The following TRIM3 variants were observed in gnomAD, a reference collection of about 807,000 sequenced individuals.
TRIM3 encodes the protein tripartite motif-containing protein 3.
A neutral mutation model predicts 66.6 loss-of-function variants in TRIM3; 13 were observed. The observed-to-expected ratio is 0.20, with a 90% CI of 0.13 to 0.31. The LOEUF (loss-of-function observed/expected upper bound fraction) is 0.31, where lower values mean the gene tolerates loss of function less well. TRIM3 is among the 10% of genes least tolerant of loss of function. The pLI is 1.00. For missense variants in TRIM3, 711 were observed against 1,020.4 expected (o/e 0.70, Z 4.13); for synonymous variants, 406 against 411.7 (o/e 0.99, Z 0.17).
At position 6,450,849 on chromosome 11, in the gene TRIM3, G is replaced by T; in HGVS notation, c.1870+43C>A. On this transcript the variant is annotated intron_variant, in intron 9 of 11. Transcript: ENST00000345851. This position sits in a 1 kb window ranked among gnomAD's most constrained non-coding sequence, Gnocchi z 4.8. ...CTGGGGTATCTAGGGGAGTTCTCTG[G>T]AACAGGGGTATCAGCATAGATCTTG... 1 of 1,609,056 alleles carries T rather than the reference G, an allele frequency of 6.2e-7. No homozygotes were observed. The highest frequency in any genetic ancestry group is 1.1e-5 in the South Asian group (1 of 90,674).
At position 6,458,441 on chromosome 11, in the gene TRIM3, T is replaced by C; in HGVS notation, c.132-145A>G. 1 of 677,192 alleles carries C rather than the reference T, an allele frequency of 1.5e-6. No individual in the cohort carries two copies. Among genetic ancestry groups the C allele is most frequent in the South Asian group, 1.9e-5 (1 of 52,040 alleles). 41.9% of individuals were successfully genotyped at this position (677,192 alleles called of 1,614,324 possible). A position where few individuals can be genotyped will look rare whatever the true frequency, so the allele number is the denominator to read the frequency against. ...AAACCTCTCTGCTTGACACATCTCATCTGCCAGCAGGTATAATGGCCTTGC... is the reference window on the plus strand; with the variant it reads ...AAACCTCTCTGCTTGACACATCTCACCTGCCAGCAGGTATAATGGCCTTGC... On this transcript the variant is annotated intron_variant, in intron 2 of 11. Coordinates refer to ENST00000345851, the MANE Select transcript of TRIM3 (RefSeq NM_033278.4). The surrounding 1 kb of genome is among the most constrained non-coding windows in gnomAD (Gnocchi z 6.2).
rs1195723577 is a variant in TRIM3 at position 6,471,422 on chromosome 11, G to C, written c.-38+2369C>G. ...CAAATGAAGCCTTGGATGAGGCAAA[G>C]TCCTTAAAGCCAATGAATCCTTTAA... On this transcript the variant is annotated intron_variant, in intron 1 of 11. Transcript: ENST00000345851. Among the ~76,000 whole-genome samples, 3 of 152,220 alleles carry C rather than the reference G, an allele frequency of 2.0e-5. No individual in the cohort carries two copies. The East Asian group carries it at 5.8e-4, about 29-fold the overall frequency.
intron 2 of TRIM3, among the ~76,000 whole-genome samples, chr11:6,459,481 C>T (rs1850129860): frequency 6.6e-6 from 1 of 152,192 alleles, no homozygotes; most frequent in Non-Finnish European, 1.5e-5. Context: ...TTATTAAGTG[C>T]ATATGTGCCA....
rs1850096587 is a variant in TRIM3, at chr11:6,458,669, G to A, written c.132-373C>T. Reference sequence around the variant, plus strand: ...CTTGCCAAATTTATGCCAAGCCCTGGGGACAAAAAGATAAAGCACAGTGCC... The same window carrying A: ...CTTGCCAAATTTATGCCAAGCCCTGAGGACAAAAAGATAAAGCACAGTGCC... On this transcript the variant is annotated intron_variant, in intron 2 of 11. Transcript: ENST00000345851. This position sits in a 1 kb window ranked among gnomAD's most constrained non-coding sequence, Gnocchi z 6.2. 6.6e-6 allele frequency among the ~76,000 whole-genome samples: 1 copy of A among 152,074 alleles called. No individual in the cohort carries two copies. The highest frequency in any genetic ancestry group is 2.4e-5 in the African/African-American group (1 of 41,380).
chr11:6,454,910 G>A lies in TRIM3; in HGVS notation c.1533+1162C>T, dbSNP rs561274586. 3.3e-5 allele frequency among the ~76,000 whole-genome samples: 5 copies of A among 152,244 alleles called. No individual in the cohort carries two copies. The South Asian group carries it at 6.2e-4, about 19-fold the overall frequency. On this transcript the variant is annotated intron_variant, in intron 7 of 11. Coordinates refer to ENST00000345851, the MANE Select transcript of TRIM3 (RefSeq NM_033278.4). The stretch of plus-strand genomic sequence containing the variant: ...GTGTTTAGAAGTAAGGATCTTCAGC[G>A]AAAAGTTTTGCTACCCAGTAAAATG...
chr11:6,449,209 AG>A lies in TRIM3; in HGVS notation c.2083-30del. ...GGGAAGGAGTGCAGAAAGGAGGGAG[AG>A]GCAAGATCAGGCAGATGAGAGTCTG... is the stretch of plus-strand genomic sequence containing the variant. On this transcript the variant is annotated intron_variant, in intron 11 of 11. Transcript: ENST00000345851. This position sits in a 1 kb window ranked among gnomAD's most constrained non-coding sequence, Gnocchi z 5.3. The A allele has an allele frequency of 6.2e-6, 10 of 1,611,436 alleles. No individual in the cohort carries two copies. Among genetic ancestry groups the A allele is most frequent in the Non-Finnish European group, 8.5e-6 (10 of 1,177,672 alleles).
Position 6,457,395 on chromosome 11 carries a change from G to A in TRIM3, c.597C>T (p.Ala199=). Residue 199 remains alanine, a synonymous_variant, in exon 5 of 12, where the codon GCC becomes GCT. Coordinates refer to ENST00000345851, the MANE Select transcript of TRIM3 (RefSeq NM_033278.4). The surrounding 1 kb of genome is among the most constrained non-coding windows in gnomAD (Gnocchi z 4.5). ...GGTCCTCGAACGCTGCACTGATCTG[G>A]GCCAGGGCCTCTGCCTTGCGCTCCT... The part of the protein sequence containing the change: ...QLQERKAEAL[A]QISAAFEDLE... The A allele has an allele frequency of 6.2e-7, 1 of 1,613,778 alleles. No individual in the cohort carries two copies. The highest frequency in any genetic ancestry group is 1.3e-5 in the African/African-American group (1 of 75,058).
chr11:6,464,720 C>CTCACGCCTGTAATCCCAGCACT, intron 2 of TRIM3, among the ~76,000 whole-genome samples: 1 of 152,268 alleles, frequency 6.6e-6, no homozygotes, highest in East Asian at 1.9e-4. Context: ...AGCACGGTAG[C>CTCACGCCTGTAATCCCAGCACT]TCACGCCTGT....
At chr11:6,460,830 T>C (rs964489677) in intron 2 of TRIM3, among the ~76,000 whole-genome samples, 5 of 152,072 alleles carry the variant, frequency 3.3e-5, no homozygotes, top group Non-Finnish European at 2.9e-5. Flanking sequence ...GTGCCAGGCA[T>C]GATTCTAAGT....
intron 1 of TRIM3, among the ~76,000 whole-genome samples, chr11:6,470,969 A>C (rs1850667106): frequency 6.6e-6 from 1 of 152,178 alleles, no homozygotes; most frequent in Non-Finnish European, 1.5e-5. Context: ...TAAGCCCCAA[A>C]GAGGCTTTCA....
Position 6,456,582 on chromosome 11 carries a change from T to G in TRIM3, c.1144A>C (p.Lys382Gln). The G allele has an allele frequency of 6.2e-7, 1 of 1,612,944 alleles. No individual in the cohort carries two copies. The highest frequency in any genetic ancestry group is 8.5e-7 in the Non-Finnish European group (1 of 1,179,836). The change falls in exon 6 of 12, where the codon AAG (lysine) becomes CAG (glutamine). Residue 382 changes from lysine (K) to glutamine (Q), a missense_variant. By Grantham distance (53) the Lys-to-Gln change is moderately conservative. Around this residue, in one of 3 missense-constraint regions of TRIM3, gnomAD observed 399 missense variants for 458.1 expected, o/e 0.87. Transcript: ENST00000345851. The surrounding 1 kb of genome is among the most constrained non-coding windows in gnomAD (Gnocchi z 6.4). ...TRLPVPVVDH[K>Q]NGTYELVYTA... ...TACACTAGCTCATATGTGCCATTCT[T>G]GTGGTCCACCACTGGCACCGGAAGG...
At position 6,451,003 on chromosome 11, in the gene TRIM3, C is replaced by T; in HGVS notation, c.1759G>A (p.Gly587Arg). ...TTGTTGTCGACCACAATGATATGTCCATTCCGGTCTACGGCCACTCCCTTG... is the reference window on the plus strand; with the variant it reads ...TTGTTGTCGACCACAATGATATGTCTATTCCGGTCTACGGCCACTCCCTTG... ...GPKGVAVDRN[G>R]HIIVVDNKSC... The change falls in exon 9 of 12, where the codon GGA (glycine) becomes AGA (arginine). Residue 587 changes from glycine to arginine, a missense_variant. Transcript: ENST00000345851. 6.2e-7 allele frequency: 1 copy of T among 1,614,202 alleles called. No individual in the cohort carries two copies. The highest frequency in any genetic ancestry group is 8.5e-7 in the Non-Finnish European group (1 of 1,180,032).
intron 7 of TRIM3, 161 bp from the exon 8 acceptor site, chr11:6,451,599 G>C: frequency 1.4e-6 from 1 of 702,854 alleles, no homozygotes; most frequent in South Asian, 1.9e-5. Flanking sequence ...GCAGGTCTGG[G>C]GCAATGCAAC....
At position 6,449,312 on chromosome 11, in the gene TRIM3, G is replaced by A. The variant is rs751451090; in HGVS notation, c.2076C>T (p.Arg692=). ...ATTCCCAGGCCTTACTCACCTGGAT[G>A]CGGCTGTTGCCCCAGTCAGCCACAA... ...NIIVADWGNS[R]IQVFDSSGSF... The change falls in exon 11 of 12, where the codon CGC becomes CGT. Residue 692 remains arginine, a synonymous_variant. Coordinates refer to ENST00000345851, the MANE Select transcript of TRIM3 (RefSeq NM_033278.4). The surrounding 1 kb of genome is among the most constrained non-coding windows in gnomAD (Gnocchi z 5.3). 6 of 1,613,820 alleles carry A rather than the reference G, an allele frequency of 3.7e-6. No homozygotes were observed. The African/African-American group carries it at 5.3e-5, about 14-fold the overall frequency.
upstream of TRIM3, chr11:6,473,961 G>T (rs1431646080): frequency 6.6e-6 from 1 of 151,572 alleles, no homozygotes; most frequent in East Asian, 1.9e-4. Context: ...AGGGGCCGGG[G>T]CGGGGCTGCG....
At chr11:6,452,182 G>A (rs953109238) in intron 7 of TRIM3, 1 of 152,268 alleles carries the variant, frequency 6.6e-6, no homozygotes, top group African/African-American at 2.4e-5. Flanking sequence ...TCAGGCTATG[G>A]GGCTGACAAG....
chr11:6,452,309 C>G (rs1004264980), intron 7 of TRIM3: 1 of 152,316 alleles, frequency 6.6e-6, no homozygotes, highest in Non-Finnish European at 1.5e-5. Context: ...CTTTAATCCT[C>G]CTTCCCACTT....
Position 6,457,889 on chromosome 11 carries a change from C to A in TRIM3, c.364-42G>T. 4 of 1,611,226 alleles carry A rather than the reference C, an allele frequency of 2.5e-6. No individual in the cohort carries two copies. The South Asian group carries it at 4.4e-5, about 18-fold the overall frequency. The stretch of plus-strand genomic sequence containing the variant: ...CCAGTCGGGTAATGGCTAGACATCA[C>A]ACTTCTTTGTCCCCTCCCCACCTGC... On this transcript the variant is annotated intron_variant, in intron 3 of 11. Transcript: ENST00000345851. This position sits in a 1 kb window ranked among gnomAD's most constrained non-coding sequence, Gnocchi z 4.5.
chr11:6,466,763 G>C (rs1330806819), intron 1 of TRIM3, among the ~76,000 whole-genome samples: 5 of 151,948 alleles, frequency 3.3e-5, no homozygotes. Context: ...TCCTTTAGAA[G>C]ACCTTCCATG....
Sources: gnomAD v4.1 joint callset for allele counts (sites outside exome capture counted in the v4.1 genomes callset) on GRCh38, gnomAD v4.1.1 for gene constraint, gnomAD v4.1.1 regional missense constraint, Gnocchi (gnomAD v3.1) non-coding constraint, MANE v1.5 for transcripts, NCBI Gene and HGNC (gene_info 2026-07-23, HGNC 2026-07-21) for gene names.